Variants in DPYD observed in about 807,000 individuals in gnomAD.
DPYD encodes dihydropyrimidine dehydrogenase.
A neutral mutation model predicts 116.2 loss-of-function variants in DPYD; 109 were observed. The ratio of observed to expected loss-of-function variants is 0.94; its 90% confidence interval spans 0.80 to 1.10. The LOEUF (loss-of-function observed/expected upper bound fraction) is 1.10. DPYD is among the 50% of genes least tolerant of loss of function. DPYD has a pLI of 0.00. For missense variants in DPYD, 1,302 were observed against 1,254.5 expected (o/e 1.04, Z -0.57); for synonymous variants, 440 against 432.0 (o/e 1.02, Z -0.23).
At chr1:97,867,799 C>G (rs1035191309) in intron 2 of DPYD, among the ~76,000 whole-genome samples, 1 of 151,828 alleles carries the variant, frequency 6.6e-6, no homozygotes, top group South Asian at 2.1e-4. Context: ...AGCTTTTCCT[C>G]TAAGATCAGG....
At chr1:97,165,623 G>A (rs377156812) in intron 20 of DPYD, among the ~76,000 whole-genome samples, 1 of 152,226 alleles carries the variant, frequency 6.6e-6, no homozygotes, top group East Asian at 1.9e-4. Flanking sequence ...AATGTCAACA[G>A]AGTAAACAGA....
At chr1:97,703,976 G>A (rs748429361) in intron 5 of DPYD, among the ~76,000 whole-genome samples, 17 of 151,910 alleles carry the variant, frequency 1.1e-4, no homozygotes, top group Non-Finnish European at 2.4e-4. Context: ...ATTGCACCTC[G>A]GCAATACATG....
intron 1 of DPYD, among the ~76,000 whole-genome samples, chr1:97,891,515 A>G (rs1015989697): frequency 3.3e-5 from 5 of 151,940 alleles, no homozygotes; most frequent in African/African-American, 1.2e-4. Context: ...ATGAAATCAA[A>G]TAAGAGTTAT....
intron 21 of DPYD, among the ~76,000 whole-genome samples, chr1:97,091,563 A>G (rs888260937): frequency 6.6e-6 from 1 of 152,304 alleles, no homozygotes; most frequent in Admixed American, 6.5e-5. Flanking sequence ...GGCCGTTAAT[A>G]TCAACGTGGA....
At chr1:97,921,055 G>T, upstream of DPYD, 1 of 1,174,574 alleles carries the variant, frequency 8.5e-7, no homozygotes, top group South Asian at 1.4e-5. Context: ...GCGCGGGGGC[G>T]GAGCGGGCGC....
In DPYD at chr1:97,581,148, G is replaced by A. The variant is rs368252895; in HGVS notation, c.1129-7178C>T. 1.0e-2 allele frequency among the ~76,000 whole-genome samples: 1,495 copies of A among 149,932 alleles called. 32 individuals are homozygous for A. The highest frequency in any genetic ancestry group is 0.034 in the African/African-American group (1,381 of 40,758). On this transcript the variant is annotated intron_variant, in intron 10 of 22. Transcript: ENST00000370192. ...GTGAAACCCTGTCTCTATTAAAAAT[G>A]CAACAACAACAACAACAACAACAAC...
chr1:97,778,613 A>G (rs1666558807), intron 3 of DPYD, among the ~76,000 whole-genome samples: 1 of 152,176 alleles, frequency 6.6e-6, no homozygotes, highest in African/African-American at 2.4e-5. Flanking sequence ...ATAACCTAAA[A>G]TGTTATATCT....
intron 4 of DPYD, among the ~76,000 whole-genome samples, chr1:97,730,951 C>A (rs1361241667): frequency 6.6e-6 from 1 of 151,542 alleles, no homozygotes; most frequent in East Asian, 1.9e-4. Context: ...AGCTTGCAAG[C>A]AAATGAGAAT....
chr1:97,430,843 T>G (rs1260783247), intron 14 of DPYD, among the ~76,000 whole-genome samples: 2 of 152,088 alleles, frequency 1.3e-5, no homozygotes, highest in Non-Finnish European at 2.9e-5. Flanking sequence ...TCTATATACT[T>G]TTTATATCTA....
chr1:97,909,098 T>C (rs1197093358), intron 1 of DPYD, among the ~76,000 whole-genome samples: 1 of 152,162 alleles, frequency 6.6e-6, no homozygotes, highest in East Asian at 1.9e-4. Flanking sequence ...ATTTTCATTA[T>C]CCTACTTTAC....
intron 3 of DPYD, among the ~76,000 whole-genome samples, chr1:97,816,102 C>A (rs1668592013): frequency 1.3e-5 from 2 of 151,108 alleles, no homozygotes; most frequent in African/African-American, 4.9e-5. Context: ...ACTACATTGC[C>A]TAGGCTAGAG....
intron 3 of DPYD, among the ~76,000 whole-genome samples, chr1:97,812,059 C>T (rs1441294133): frequency 6.6e-6 from 1 of 152,086 alleles, no homozygotes; most frequent in African/African-American, 2.4e-5. Context: ...TTCCTTTACC[C>T]ACTGCTTCTT....
Position 97,748,989 on chromosome 1 carries a change from T to TTTGAAACCATAATAAGGATCAGATAC in DPYD, c.234-8511_234-8510insGTATCTGATCCTTATTATGGTTTCAA, listed in dbSNP as rs1174051313. On this transcript the variant is annotated intron_variant, in intron 3 of 22. Coordinates refer to ENST00000370192, the MANE Select transcript of DPYD (RefSeq NM_000110.4). ...TTGATCCTTATTATGGTTGCATATG[T>TTTGAAACCATAATAAGGATCAGATAC]TTGAAAAGTATCTGAAGGATGCAAC... 4.3e-4 allele frequency among the ~76,000 whole-genome samples: 65 copies of TTTGAAACCATAATAAGGATCAGATAC among 152,344 alleles called. No individual in the cohort carries two copies. The East Asian group carries it at 4.6e-3, about 11-fold the overall frequency.
intron 3 of DPYD, among the ~76,000 whole-genome samples, chr1:97,748,966 G>C (rs1664713180): frequency 6.6e-6 from 1 of 152,188 alleles, no homozygotes; most frequent in South Asian, 2.1e-4. Flanking sequence ...AAATGTAATT[G>C]ATCCTTATTA....
At chr1:97,223,548 T>C (rs1177048028) in intron 19 of DPYD, among the ~76,000 whole-genome samples, 1 of 152,028 alleles carries the variant, frequency 6.6e-6, no homozygotes, top group African/African-American at 2.4e-5. Context: ...ATCATTAAAT[T>C]AAATTAAATT....
intron 13 of DPYD, among the ~76,000 whole-genome samples, chr1:97,489,547 T>C (rs758092360): frequency 6.6e-6 from 1 of 152,128 alleles, no homozygotes; most frequent in African/African-American, 2.4e-5. Flanking sequence ...CATGGTACAC[T>C]TACACCAGGA....
intron 1 of DPYD, among the ~76,000 whole-genome samples, chr1:97,920,436 A>G (rs1049822167): frequency 1.3e-5 from 2 of 152,104 alleles, no homozygotes; most frequent in African/African-American, 4.8e-5. Context: ...TCTATGCTTC[A>G]CCTTTGCAAA....
chr1:97,156,648 T>A (rs947100936), intron 20 of DPYD, among the ~76,000 whole-genome samples: 10 of 151,952 alleles, frequency 6.6e-5, no homozygotes, highest in Non-Finnish European at 1.0e-4. Context: ...GACAAATAGG[T>A]ACACTTTTAC....
chr1:97,161,800 C>T (rs1191829957), intron 20 of DPYD, among the ~76,000 whole-genome samples: 1 of 146,540 alleles, frequency 6.8e-6, no homozygotes, highest in African/African-American at 2.5e-5. Context: ...CAATTCCCAC[C>T]TATGAGTGAG....
Sources: allele counts gnomAD v4.1 joint callset (sites outside exome capture counted in the v4.1 genomes callset), GRCh38; gene constraint gnomAD v4.1.1; transcripts MANE v1.5; gene names NCBI Gene and HGNC (gene_info 2026-07-23, HGNC 2026-07-21).